Variants in PCBP2 observed in about 807,000 individuals in gnomAD.
PCBP2 encodes poly(rC)-binding protein 2.
Under a neutral mutation model 50.1 loss-of-function variants are expected in PCBP2, and 4 were observed. The ratio of observed to expected loss-of-function variants is 0.08; its 90% CI spans 0.04 to 0.18. The LOEUF is 0.18. PCBP2 is among the 10% of genes least tolerant of loss of function. PCBP2 has a pLI of 1.00. For missense variants in PCBP2, 161 were observed against 474.3 expected (o/e 0.34, Z 6.14); for synonymous variants, 179 against 168.0 (o/e 1.07, Z -0.51).
intron 11 of PCBP2, 145 bp downstream of exon 11, chr12:53,467,438 C>G (rs140908664): frequency 2.2e-4 from 166 of 759,706 alleles, no homozygotes; most frequent in Middle Eastern, 1.6e-3. Flanking sequence ...ATGGCTAAGC[C>G]CAAGGAGGTA....
At chr12:53,465,875 C>A (rs972214634) in intron 9 of PCBP2, 57 bp from the exon 10 acceptor site, 2 of 1,384,084 alleles carry the variant, frequency 1.4e-6, no homozygotes, top group Non-Finnish European at 2.1e-6. Flanking sequence ...TTTTTCCCCC[C>A]ACTGGGTGGC....
At chr12:53,469,708 CAA>C in intron 13 of PCBP2, among the ~76,000 whole-genome samples, 1 of 150,054 alleles carries the variant, frequency 6.7e-6, no homozygotes, top group African/African-American at 2.4e-5. Flanking sequence ...GCCTGGGCAA[CAA>C]GAGCGAAACT....
chr12:53,470,939 C>T (rs530312722), intron 13 of PCBP2, among the ~76,000 whole-genome samples: 11 of 152,074 alleles, frequency 7.2e-5, no homozygotes, highest in African/African-American at 2.7e-4. Context: ...TTTGTTTTGG[C>T]TCTGCTTTGT....
intron 9 of PCBP2, 39 bp downstream of exon 9, chr12:53,464,891 C>T (rs202070198): frequency 2.6e-6 from 4 of 1,559,916 alleles, no homozygotes; most frequent in Middle Eastern, 1.7e-4. Context: ...TCACTCAATC[C>T]TTCCGCCTCA....
intron 1 of PCBP2, among the ~76,000 whole-genome samples, chr12:53,453,968 A>G (rs1940789464): frequency 6.6e-6 from 1 of 152,244 alleles, no homozygotes. Flanking sequence ...GAAATTTAAG[A>G]TTTAATAGAC....
At chr12:53,459,169 A>ATGTCC in intron 5 of PCBP2, 103 bp from the exon 6 acceptor site, 1 of 950,252 alleles carries the variant, frequency 1.1e-6, no homozygotes, top group South Asian at 2.9e-5. Flanking sequence ...ATGACCTCGC[A>ATGTCC]TGTCCTAATA....
At chr12:53,466,816 A>T (rs553434398) in intron 10 of PCBP2, among the ~76,000 whole-genome samples, 1 of 151,902 alleles carries the variant, frequency 6.6e-6, no homozygotes, top group African/African-American at 2.4e-5. Flanking sequence ...CCCTCTCCCC[A>T]ATACTGATGA....
chr12:53,458,465 A>G (rs1941209001), intron 5 of PCBP2, among the ~76,000 whole-genome samples: 1 of 148,434 alleles, frequency 6.7e-6, no homozygotes, highest in Non-Finnish European at 1.5e-5. Context: ...ATGCCACCAC[A>G]CCCAGCTAGT....
chr12:53,464,938 G>A, intron 9 of PCBP2, 86 bp downstream of exon 9: 2 of 1,433,674 alleles, frequency 1.4e-6, no homozygotes, highest in South Asian at 1.5e-5. Flanking sequence ...CAGTGGCGCT[G>A]GTGATTTTTG....
chr12:53,454,088 T>G (rs1027605666), intron 1 of PCBP2, among the ~76,000 whole-genome samples: 2 of 152,182 alleles, frequency 1.3e-5, no homozygotes, highest in African/African-American at 4.8e-5. Flanking sequence ...GTGTACTTAA[T>G]GTATCGAGTC....
intron 13 of PCBP2, among the ~76,000 whole-genome samples, chr12:53,470,818 T>G (rs147663561): frequency 6.6e-5 from 10 of 151,856 alleles, no homozygotes; most frequent in African/African-American, 2.4e-4. Context: ...TGGCCAGAAT[T>G]CTTGTCGGTA....
Position 53,455,505 on chromosome 12 carries a change from A to C in PCBP2, c.126+12A>C. ...AGATGCGCGAGGAGGTAAGTTATGAAAGACTGAGATTGTTAACTTTGGGAA... is the reference window on the plus strand; with the variant it reads ...AGATGCGCGAGGAGGTAAGTTATGACAGACTGAGATTGTTAACTTTGGGAA... On this transcript the variant is annotated intron_variant, in intron 4 of 14. Transcript: ENST00000546463. 6.2e-7 allele frequency: 1 copy of C among 1,613,598 alleles called. No individual in the cohort carries two copies.
rs755585370 is a variant in PCBP2 at position 53,465,996 on chromosome 12, GT to G, written c.714+27del. ...GATGTAAGTTTTGTTTTCACTTCTTGTTTTGAAAAGCTCCCTCTCCCATCCA... is the reference window on the plus strand; with the variant it reads ...GATGTAAGTTTTGTTTTCACTTCTTGTTTGAAAAGCTCCCTCTCCCATCCA... On this transcript the variant is annotated intron_variant, in intron 10 of 14. Transcript: ENST00000546463. 3.8e-5 allele frequency: 61 copies of G among 1,611,014 alleles called. No homozygotes were observed. In the East Asian group the frequency reaches 1.2e-3, roughly 32 times the overall value.
At position 53,469,811 on chromosome 12, in the gene PCBP2, G is replaced by C. The variant is rs187961690; in HGVS notation, c.882+979G>C. Among the ~76,000 whole-genome samples the C allele has an allele frequency of 4.6e-3, 580 of 127,072 alleles. 4 individuals carry two copies. The highest frequency in any genetic ancestry group is 0.019 in the Middle Eastern group (3 of 160). The allele number at this position is 127,072 out of a possible 152,430, so 83.4% of individuals were successfully genotyped here. On this transcript the variant is annotated intron_variant, in intron 13 of 14. Coordinates refer to ENST00000546463, the MANE Select transcript of PCBP2 (RefSeq NM_031989.5). ...GCATCTTGCTCTGTTTCCCAGGCTT[G>C]GCTCACTGTGACCTCCGTCTCCTGG...
intron 7 of PCBP2, among the ~76,000 whole-genome samples, chr12:53,461,984 C>A (rs191610739): frequency 8.1e-4 from 124 of 152,188 alleles, no homozygotes; most frequent in African/African-American, 2.8e-3. Context: ...ACTGGTATTA[C>A]CAGCATGAGC....
chr12:53,454,961 A>C, intron 2 of PCBP2, 92 bp downstream of exon 2: 1 of 1,038,448 alleles, frequency 9.6e-7, no homozygotes, highest in Admixed American at 1.8e-5. Flanking sequence ...TCAGATTAGC[A>C]CTGTGGGGCA....
rs1294678656 is a variant in PCBP2 at position 53,455,824 on chromosome 12, A to G, written c.127-61A>G. The G allele has an allele frequency of 4.5e-6, 5 of 1,122,010 alleles. 1 individual carries two copies. The South Asian group carries it at 5.0e-5, about 11-fold the overall frequency. 69.5% of individuals were successfully genotyped at this position (1,122,010 alleles called of 1,614,324 possible). A position where few individuals can be genotyped will look rare whatever the true frequency, so the allele number is the denominator to read the frequency against. On this transcript the variant is annotated intron_variant, in intron 4 of 14. Coordinates refer to ENST00000546463, the MANE Select transcript of PCBP2 (RefSeq NM_031989.5). ...TTGGCAGTCTTATAAGGGACTGTAG[A>G]TCCTGTACATACTCAGATCTTCTTT...
intron 10 of PCBP2, 73 bp downstream of exon 10, chr12:53,466,046 A>C: frequency 1.7e-6 from 2 of 1,202,502 alleles, no homozygotes; most frequent in Non-Finnish European, 2.5e-6. Flanking sequence ...CCTCTCTCCC[A>C]AGTAGCCAGA....
At chr12:53,460,892 A>G (rs1941406652) in intron 6 of PCBP2, 123 bp from the exon 7 acceptor site, 4 of 1,097,020 alleles carry the variant, frequency 3.6e-6, no homozygotes, top group East Asian at 5.0e-5. Context: ...GACAAAGAAC[A>G]AAAAGGGAAG....
Sources: gnomAD v4.1 joint callset for allele counts (sites outside exome capture counted in the v4.1 genomes callset) on GRCh38, gnomAD v4.1.1 for gene constraint, MANE v1.5 for transcripts, NCBI Gene and HGNC (gene_info 2026-07-23, HGNC 2026-07-21) for gene names.